ZDHHC14: variants seen among roughly 807,000 people sequenced by gnomAD.
ZDHHC14 encodes the protein palmitoyltransferase ZDHHC14.
A neutral mutation model predicts 47.7 loss-of-function variants in ZDHHC14; 16 were observed. The observed-to-expected ratio is 0.34, with a 90% CI of 0.23 to 0.51. The LOEUF is 0.51. Among genes scored for constraint, ZDHHC14 ranks in the 20% least tolerant of loss-of-function variants. ZDHHC14 has a pLI of 0.97. For synonymous variants in ZDHHC14, 293 were observed against 278.9 expected, an observed-to-expected ratio of 1.05 and a Z score of -0.50; for missense variants, 515 against 662.5, an observed-to-expected ratio of 0.78 and a Z score of 2.44.
chr6:157,459,592 C>T (rs1238907843), intron 1 of ZDHHC14, among the ~76,000 whole-genome samples: 2 of 152,026 alleles, frequency 1.3e-5, no homozygotes, highest in Admixed American at 1.3e-4. Flanking sequence ...GAGCTTGGAG[C>T]AGAGGTAGCT....
chr6:157,546,661 G>C (rs1781983034), intron 2 of ZDHHC14, among the ~76,000 whole-genome samples: 1 of 152,190 alleles, frequency 6.6e-6, no homozygotes, highest in South Asian at 2.1e-4. Context: ...GGAAACTTCA[G>C]TTTCAGAAAC....
intron 1 of ZDHHC14, among the ~76,000 whole-genome samples, chr6:157,383,389 C>T (rs1398934886): frequency 6.6e-6 from 1 of 152,204 alleles, no homozygotes; most frequent in Non-Finnish European, 1.5e-5. Flanking sequence ...TCCGCCTCCT[C>T]CTGTTGGGTA....
At chr6:157,633,021 T>C in intron 5 of ZDHHC14, 139 bp downstream of exon 5, 1 of 882,726 alleles carries the variant, frequency 1.1e-6, no homozygotes. Context: ...TCAGATTCAC[T>C]GGCACGAGTA....
intron 1 of ZDHHC14, among the ~76,000 whole-genome samples, chr6:157,481,183 A>G (rs948242108): frequency 2.0e-5 from 3 of 152,174 alleles, no homozygotes; most frequent in Non-Finnish European, 2.9e-5. Flanking sequence ...TCCATGTAAA[A>G]CATGGAGAGA....
chr6:157,615,901 A>G (rs2060013), intron 3 of ZDHHC14, among the ~76,000 whole-genome samples: 70,850 of 152,098 alleles, frequency 0.47, 18,398 homozygotes, highest in East Asian at 0.86. Flanking sequence ...TCTAACTGCT[A>G]TAGTTCAAGG....
In ZDHHC14 at chr6:157,411,752, T is replaced by TAAA. The variant is rs10719123; in HGVS notation, c.245+29503_245+29505dup. On this transcript the variant is annotated intron_variant, in intron 1 of 8. Transcript: ENST00000359775. ...GACTTTCCTTCCTGCATGTTCATGG[T>TAAA]AAAAAAAAAAAAAAAAAAATTAAAG... Among the ~76,000 whole-genome samples, 74 of 139,510 alleles carry TAAA rather than the reference T, an allele frequency of 5.3e-4. 1 individual carries two copies. The highest frequency in any genetic ancestry group is 1.9e-3 in the African/African-American group (73 of 37,842). 91.5% of individuals were successfully genotyped at this position (139,510 alleles called of 152,430 possible).
Position 157,592,925 on chromosome 6 carries a change from G to A in ZDHHC14, c.407-63G>A, listed in dbSNP as rs1455239885. 7.2e-6 allele frequency: 11 copies of A among 1,526,878 alleles called. No individual in the cohort carries two copies. In the Admixed American group the frequency reaches 8.7e-5, roughly 12 times the overall value. The allele number at this position is 1,526,878 out of a possible 1,614,324, so 94.6% of individuals were successfully genotyped here. On this transcript the variant is annotated intron_variant, in intron 2 of 8. Transcript: ENST00000359775. ...CCTGGAGCTTACACTCCAGGCGGACGGGTCCCGCCGAGGCAGAGGGAGGCT... is the reference window on the plus strand; with the variant it reads ...CCTGGAGCTTACACTCCAGGCGGACAGGTCCCGCCGAGGCAGAGGGAGGCT...
At chr6:157,484,310 T>C (rs1473807127) in intron 1 of ZDHHC14, among the ~76,000 whole-genome samples, 20 of 112,460 alleles carry the variant, frequency 1.8e-4, no homozygotes, top group Non-Finnish European at 3.3e-4. Context: ...TATATACATA[T>C]ATATACACAT....
chr6:157,653,369 TG>T (rs1417223085), intron 7 of ZDHHC14, among the ~76,000 whole-genome samples, 155 bp from the exon 8 acceptor site: 4 of 152,244 alleles, frequency 2.6e-5, no homozygotes, highest in Non-Finnish European at 5.9e-5. Flanking sequence ...ATTTGGTCAC[TG>T]ATTATACACG....
At chr6:157,606,344 T>G (rs1283848989) in intron 3 of ZDHHC14, among the ~76,000 whole-genome samples, 1 of 152,138 alleles carries the variant, frequency 6.6e-6, no homozygotes, top group Non-Finnish European at 1.5e-5. Context: ...TGGCTGCCTG[T>G]AATCCCAGCT....
chr6:157,398,364 C>T (rs1777565375), intron 1 of ZDHHC14, among the ~76,000 whole-genome samples: 1 of 152,192 alleles, frequency 6.6e-6, no homozygotes, highest in South Asian at 2.1e-4. Context: ...GGAGGGGCAG[C>T]CTGCCAGCAG....
At chr6:157,660,716 C>T (rs1462854525) in intron 8 of ZDHHC14, among the ~76,000 whole-genome samples, 1 of 152,128 alleles carries the variant, frequency 6.6e-6, no homozygotes, top group Admixed American at 6.5e-5. Context: ...GTGCTATGGG[C>T]CTGGAGATGA....
At position 157,481,623 on chromosome 6, in the gene ZDHHC14, A is replaced by G. The variant is rs141070103; in HGVS notation, c.246-60962A>G. On this transcript the variant is annotated intron_variant, in intron 1 of 8. Coordinates refer to ENST00000359775, the MANE Select transcript of ZDHHC14 (RefSeq NM_024630.3). ...CTTGCCTTTTCCCCTTCCTGCCAAA[A>G]CCCTACCACTTCCACCTGTAGAAAT... Among the ~76,000 whole-genome samples the G allele has an allele frequency of 2.0e-3, 308 of 152,096 alleles. 2 individuals are homozygous for G. Among genetic ancestry groups the G allele is most frequent in the Non-Finnish European group, 3.6e-3 (245 of 67,970 alleles).
chr6:157,544,519 C>G (rs181452125), intron 2 of ZDHHC14, among the ~76,000 whole-genome samples: 1 of 152,076 alleles, frequency 6.6e-6, no homozygotes, highest in East Asian at 1.9e-4. Flanking sequence ...TGTGGTGGTG[C>G]GAGCCTGTAG....
intron 1 of ZDHHC14, among the ~76,000 whole-genome samples, chr6:157,473,950 C>T (rs1257833591): frequency 3.3e-5 from 5 of 150,426 alleles, no homozygotes; most frequent in African/African-American, 9.8e-5. Context: ...ACAAGCATTT[C>T]GGATAAGGGA....
At chr6:157,622,168 C>T (rs866949836) in intron 3 of ZDHHC14, among the ~76,000 whole-genome samples, 1 of 143,220 alleles carries the variant, frequency 7.0e-6, no homozygotes, top group Admixed American at 7.3e-5. Context: ...GTCAGGAGTT[C>T]GAGACCAGCC....
intron 1 of ZDHHC14, among the ~76,000 whole-genome samples, chr6:157,539,410 G>GGTA (rs1200433480): frequency 1.8e-4 from 27 of 151,914 alleles, no homozygotes; most frequent in East Asian, 1.4e-3. Flanking sequence ...TCTCCAGAAA[G>GGTA]ATAATAAATA....
At chr6:157,636,360 T>C (rs966980021) in intron 5 of ZDHHC14, among the ~76,000 whole-genome samples, 3 of 151,590 alleles carry the variant, frequency 2.0e-5, no homozygotes, top group Non-Finnish European at 4.4e-5. Flanking sequence ...TGTGTGTGTG[T>C]GCATGCATCT....
At chr6:157,662,856 A>T (rs1222605610) in intron 8 of ZDHHC14, among the ~76,000 whole-genome samples, 1 of 152,278 alleles carries the variant, frequency 6.6e-6, no homozygotes, top group East Asian at 1.9e-4. Context: ...TACAAGCTCT[A>T]AAACATGAAA....
Sources: allele counts gnomAD v4.1 joint callset (sites outside exome capture counted in the v4.1 genomes callset), GRCh38; gene constraint gnomAD v4.1.1; transcripts MANE v1.5; gene names NCBI Gene and HGNC (gene_info 2026-07-23, HGNC 2026-07-21).